GLI3: variants seen among roughly 807,000 people sequenced by gnomAD.
GLI3 encodes the protein transcription activator GLI3.
Under a neutral mutation model 100.8 loss-of-function variants are expected in GLI3, and 20 were observed. The observed-to-expected ratio is 0.20, with a 90% CI of 0.14 to 0.29. GLI3 has a LOEUF of 0.29. Ranked by LOEUF, GLI3 falls within the 10% of genes least tolerant of loss-of-function variation. The pLI is 1.00. For synonymous variants in GLI3, 938 were observed against 860.5 expected (o/e 1.09, Z -1.58); for missense variants, 2,040 against 2,128.5 (o/e 0.96, Z 0.82).
intron 2 of GLI3, among the ~76,000 whole-genome samples, chr7:42,149,443 A>G (rs994313272): frequency 6.6e-6 from 1 of 152,234 alleles, no homozygotes; most frequent in African/African-American, 2.4e-5. Context: ...AGCAGATCAA[A>G]GAACCCATGC....
chr7:42,205,485 C>G (rs1788131009), intron 2 of GLI3, among the ~76,000 whole-genome samples: 1 of 152,148 alleles, frequency 6.6e-6, no homozygotes, highest in African/African-American at 2.4e-5. Flanking sequence ...AAAAAGTCAC[C>G]AAACAACAGA....
chr7:42,149,934 C>T (rs1457083875), intron 2 of GLI3: 1 of 152,176 alleles, frequency 6.6e-6, no homozygotes, highest in South Asian at 2.1e-4. Flanking sequence ...TATGTTGACT[C>T]AGGACTTGAA....
At chr7:41,968,720 GAAAGAAAGAAAGAAAGAAAGA>G (rs1787264407) in intron 13 of GLI3, among the ~76,000 whole-genome samples, 3 of 102,162 alleles carry the variant, frequency 2.9e-5, no homozygotes, top group Non-Finnish European at 5.7e-5. Flanking sequence ...AAAGAAGAAA[GAAAGAAAGAAAGAAAGAAAGA>G]AAGAAAGAAA....
intron 1 of GLI3, among the ~76,000 whole-genome samples, chr7:42,243,005 C>T (rs1788940466): frequency 6.6e-6 from 1 of 152,162 alleles, no homozygotes; most frequent in African/African-American, 2.4e-5. Flanking sequence ...TCCCCAACCT[C>T]TGTGGTATTC....
chr7:42,163,897 C>T (rs1227772021), intron 2 of GLI3, among the ~76,000 whole-genome samples: 1 of 152,224 alleles, frequency 6.6e-6, no homozygotes, highest in Non-Finnish European at 1.5e-5. Context: ...CCTTACTGTG[C>T]TGATGCTTCA....
At chr7:42,060,729 C>A (rs1784550200) in intron 4 of GLI3, among the ~76,000 whole-genome samples, 1 of 152,026 alleles carries the variant, frequency 6.6e-6, no homozygotes, top group Non-Finnish European at 1.5e-5. Context: ...ATATTGACAC[C>A]CAATAGTGTA....
intron 2 of GLI3, among the ~76,000 whole-genome samples, chr7:42,215,844 T>A (rs1788365540): frequency 6.6e-6 from 1 of 151,178 alleles, no homozygotes. Context: ...ACCAACCTCA[T>A]GTAAGGATCT....
chr7:42,122,029 A>G (rs699497), intron 3 of GLI3, among the ~76,000 whole-genome samples: 107,908 of 151,862 alleles, frequency 0.71, 40,072 homozygotes, highest in African/African-American at 0.93. Context: ...CCAGGCTTCC[A>G]CACCTGTAAC....
chr7:42,025,391 T>A lies in GLI3; in HGVS notation c.1243-14A>T. The A allele has an allele frequency of 1.3e-6, 2 of 1,574,942 alleles. No individual in the cohort carries two copies. The highest frequency in any genetic ancestry group is 1.7e-6 in the Non-Finnish European group (2 of 1,144,434). On this transcript the variant is annotated splice_polypyrimidine_tract_variant and intron_variant, in intron 8 of 14. Coordinates refer to ENST00000395925, the MANE Select transcript of GLI3 (RefSeq NM_000168.6). Reference sequence around the variant, plus strand: ...CGTGGGCTTGTTCTGCTGGTCACATTTGCAGAGCCAGAGACAAAAAGATTT... The same window carrying A: ...CGTGGGCTTGTTCTGCTGGTCACATATGCAGAGCCAGAGACAAAAAGATTT...
chr7:42,112,271 GT>G (rs1304978646), intron 3 of GLI3, among the ~76,000 whole-genome samples: 1 of 152,160 alleles, frequency 6.6e-6, no homozygotes, highest in African/African-American at 2.4e-5. Context: ...GGTATCTTCA[GT>G]TGATGAGGAA....
At chr7:42,019,010 T>C (rs1446013074) in intron 10 of GLI3, among the ~76,000 whole-genome samples, 1 of 152,142 alleles carries the variant, frequency 6.6e-6, no homozygotes, top group Admixed American at 6.5e-5. Flanking sequence ...TTTAAAATCA[T>C]TTGACTTTTT....
chr7:42,048,354 G>T (rs1034361114), intron 5 of GLI3, 137 bp downstream of exon 5: 3 of 728,458 alleles, frequency 4.1e-6, no homozygotes, highest in Non-Finnish European at 5.1e-6. Context: ...ACGCAATCAT[G>T]CATGTAAGGC....
intron 1 of GLI3, among the ~76,000 whole-genome samples, chr7:42,225,512 A>G (rs1788565221): frequency 6.6e-6 from 1 of 151,964 alleles, no homozygotes; most frequent in Non-Finnish European, 1.5e-5. Context: ...GGCGCCCACC[A>G]CCATGCCCAG....
intron 13 of GLI3, among the ~76,000 whole-genome samples, chr7:41,970,377 A>G (rs1322845643): frequency 1.3e-5 from 2 of 152,190 alleles, no homozygotes; most frequent in Non-Finnish European, 2.9e-5. Context: ...GCATATACAC[A>G]CATAATATCT....
At chr7:42,150,043 G>C (rs1162570890) in intron 2 of GLI3, 1 of 152,158 alleles carries the variant, frequency 6.6e-6, no homozygotes, top group East Asian at 1.9e-4. Flanking sequence ...TTGCAGAACA[G>C]AAAAGACAAT....
chr7:41,985,513 T>C (rs1787796174), intron 10 of GLI3, among the ~76,000 whole-genome samples: 1 of 152,168 alleles, frequency 6.6e-6, no homozygotes, highest in Non-Finnish European at 1.5e-5. Flanking sequence ...TATTACTCTT[T>C]AGGTAGTAGT....
At chr7:41,986,718 G>A (rs1787832927) in intron 10 of GLI3, among the ~76,000 whole-genome samples, 1 of 151,930 alleles carries the variant, frequency 6.6e-6, no homozygotes, top group Non-Finnish European at 1.5e-5. Context: ...GTAGGGTAAG[G>A]AAAATGTTCT....
intron 2 of GLI3, among the ~76,000 whole-genome samples, chr7:42,192,660 CA>C (rs1407929030): frequency 6.6e-6 from 1 of 152,164 alleles, no homozygotes; most frequent in African/African-American, 2.4e-5. Flanking sequence ...TCTAATTTTA[CA>C]ACATTCTTTC....
chr7:42,137,341 C>A (rs1390290975), intron 3 of GLI3, among the ~76,000 whole-genome samples: 1 of 152,112 alleles, frequency 6.6e-6, no homozygotes, highest in Non-Finnish European at 1.5e-5. Context: ...AAAATCAAAT[C>A]ACAACACTTC....
Sources: allele counts gnomAD v4.1 joint callset (sites outside exome capture counted in the v4.1 genomes callset), GRCh38; gene constraint gnomAD v4.1.1; transcripts MANE v1.5; gene names NCBI Gene and HGNC (gene_info 2026-07-23, HGNC 2026-07-21).